DPP10: variants seen among roughly 807,000 people sequenced by gnomAD.
DPP10 encodes dipeptidyl peptidase like 10.
Under a neutral mutation model 120.9 loss-of-function variants are expected in DPP10, and 33 were observed. The ratio of observed to expected loss-of-function variants is 0.27; its 90% CI spans 0.21 to 0.37. The LOEUF (loss-of-function observed/expected upper bound fraction) is 0.37. Among genes scored for constraint, DPP10 ranks in the 10% least tolerant of loss-of-function variants. The pLI is 1.00. For synonymous variants in DPP10, 337 were observed against 326.1 expected, an observed-to-expected ratio of 1.03 and a Z score of -0.36; for missense variants, 816 against 942.8, an observed-to-expected ratio of 0.87 and a Z score of 1.76.
At chr2:114,582,326 T>G (rs1690601254) in intron 1 of DPP10, among the ~76,000 whole-genome samples, 1 of 152,248 alleles carries the variant, frequency 6.6e-6, no homozygotes, top group Admixed American at 6.5e-5. Flanking sequence ...GCGCCATAAT[T>G]TATTCTTTCA....
At chr2:114,483,630 T>C (rs1681254291) in intron 1 of DPP10, among the ~76,000 whole-genome samples, 2 of 152,020 alleles carry the variant, frequency 1.3e-5, no homozygotes, top group African/African-American at 2.4e-5. Flanking sequence ...GTGCAATATA[T>C]ATATTTTTGT....
chr2:115,118,218 T>C (rs2049626834), intron 1 of DPP10, among the ~76,000 whole-genome samples: 1 of 152,158 alleles, frequency 6.6e-6, no homozygotes, highest in Admixed American at 6.5e-5. Context: ...CCCAAATATT[T>C]CTTGAGTCTT....
chr2:115,162,334 G>T, intron 1 of DPP10: 1 of 1,450,446 alleles, frequency 6.9e-7, no homozygotes, highest in Non-Finnish European at 9.1e-7. Context: ...GGGAGAGGCG[G>T]CCGGGACCAA....
At chr2:114,658,850 G>A (rs926898340) in intron 1 of DPP10, among the ~76,000 whole-genome samples, 3 of 152,038 alleles carry the variant, frequency 2.0e-5, no homozygotes, top group African/African-American at 7.2e-5. Context: ...CTATGGTTTG[G>A]CTCTGTATCC....
intron 1 of DPP10, among the ~76,000 whole-genome samples, chr2:114,735,108 A>G (rs984589601): frequency 6.6e-6 from 1 of 152,164 alleles, no homozygotes; most frequent in African/African-American, 2.4e-5. Flanking sequence ...TGAAAGCCCT[A>G]TCTCCAAATA....
chr2:115,328,435 T>C (rs2062494040), intron 2 of DPP10, among the ~76,000 whole-genome samples: 1 of 152,192 alleles, frequency 6.6e-6, no homozygotes, highest in African/African-American at 2.4e-5. Flanking sequence ...ATGTAATCAA[T>C]GGATGATAAG....
At chr2:114,483,735 C>A (rs1681265166) in intron 1 of DPP10, among the ~76,000 whole-genome samples, 1 of 152,156 alleles carries the variant, frequency 6.6e-6, no homozygotes, top group Admixed American at 6.6e-5. Flanking sequence ...CTGGGGCTTA[C>A]AAACTGGAGG....
chr2:115,289,384 A>G (rs1171234057), intron 1 of DPP10, among the ~76,000 whole-genome samples: 1 of 151,850 alleles, frequency 6.6e-6, no homozygotes, highest in Admixed American at 6.6e-5. Context: ...ATACTGTCCA[A>G]AGCAATCTAC....
At chr2:114,596,809 C>T (rs1178142723) in intron 1 of DPP10, among the ~76,000 whole-genome samples, 1 of 151,934 alleles carries the variant, frequency 6.6e-6, no homozygotes, top group Non-Finnish European at 1.5e-5. Context: ...GCCAAACTAC[C>T]AATCTGGGCC....
At position 115,780,913 on chromosome 2, in the gene DPP10, A is replaced by G. The variant is rs778520762; in HGVS notation, c.1401A>G (p.Ser467=). 10 of 1,604,732 alleles carry G rather than the reference A, an allele frequency of 6.2e-6. No individual in the cohort carries two copies. The South Asian group carries it at 1.0e-4, about 16-fold the overall frequency. Residue 467 remains serine, a synonymous_variant, in exon 16 of 26, where the codon TCA becomes TCG. Coordinates refer to ENST00000410059, the MANE Select transcript of DPP10 (RefSeq NM_020868.6). ...TEGLLNRQCI[S]CNFMKEQCTY... is the part of the protein sequence containing the mutation. ...GATTATTGAATCGCCAATGCATTTC[A>G]TGTAATTTCATGAAAGAACAATGTA...
At chr2:115,347,685 A>G (rs1419503869) in intron 3 of DPP10, among the ~76,000 whole-genome samples, 2 of 151,564 alleles carry the variant, frequency 1.3e-5, no homozygotes, top group East Asian at 2.0e-4. Context: ...CCCTGTGTCT[A>G]TGTGTTCTCA....
intron 5 of DPP10, among the ~76,000 whole-genome samples, chr2:115,595,704 A>G (rs528230418): frequency 1.3e-5 from 2 of 152,118 alleles, no homozygotes; most frequent in South Asian, 4.1e-4. Context: ...CTAATATTTT[A>G]CTTTAGGACA....
chr2:114,707,912 C>G (rs1308285105), intron 1 of DPP10, among the ~76,000 whole-genome samples: 7 of 152,138 alleles, frequency 4.6e-5, no homozygotes, highest in African/African-American at 1.7e-4. Flanking sequence ...CAGGGGGACT[C>G]TAAAACCTCA....
intron 1 of DPP10, among the ~76,000 whole-genome samples, chr2:114,982,385 T>C (rs1700137875): frequency 6.6e-6 from 1 of 152,122 alleles, no homozygotes; most frequent in Admixed American, 6.5e-5. Flanking sequence ...TATTTTATAA[T>C]GATCTATAAA....
At chr2:115,029,280 T>C (rs1486484339) in intron 1 of DPP10, among the ~76,000 whole-genome samples, 1 of 152,040 alleles carries the variant, frequency 6.6e-6, no homozygotes, top group African/African-American at 2.4e-5. Context: ...GCCTATCTCT[T>C]AATGGTTGCT....
At chr2:115,772,758 C>A (rs1681627150) in intron 13 of DPP10, among the ~76,000 whole-genome samples, 1 of 152,202 alleles carries the variant, frequency 6.6e-6, no homozygotes, top group Non-Finnish European at 1.5e-5. Context: ...CTACATCCTG[C>A]AATTCAGGCT....
chr2:115,109,613 T>C (rs938645534), intron 1 of DPP10, among the ~76,000 whole-genome samples: 3 of 152,138 alleles, frequency 2.0e-5, no homozygotes, highest in African/African-American at 7.2e-5. Flanking sequence ...AGAGAGAATT[T>C]CAGTTTAAAG....
chr2:115,167,858 T>G (rs1317027780), intron 1 of DPP10, among the ~76,000 whole-genome samples: 1 of 152,312 alleles, frequency 6.6e-6, no homozygotes, highest in East Asian at 1.9e-4. Flanking sequence ...TTTACTGTTC[T>G]ACTCTGTAAG....
chr2:115,408,477 C>T (rs2068696243), intron 3 of DPP10, among the ~76,000 whole-genome samples: 1 of 152,034 alleles, frequency 6.6e-6, no homozygotes, highest in Non-Finnish European at 1.5e-5. Flanking sequence ...CCAACTGGAT[C>T]TAGTTGACAT....
Sources: gnomAD v4.1 joint callset for allele counts (sites outside exome capture counted in the v4.1 genomes callset) on GRCh38, gnomAD v4.1.1 for gene constraint, MANE v1.5 for transcripts, NCBI Gene and HGNC (gene_info 2026-07-23, HGNC 2026-07-21) for gene names.